EVC2: variants seen among roughly 807,000 people sequenced by gnomAD.
The protein encoded by EVC2 is EvC ciliary complex subunit 2.
A neutral mutation model predicts 149.3 loss-of-function variants in EVC2; 148 were observed. The observed-to-expected ratio is 0.99, with a 90% CI of 0.87 to 1.14. The LOEUF (loss-of-function observed/expected upper bound fraction) is 1.14, where lower values mean the gene tolerates loss of function less well. Among genes scored for constraint, EVC2 ranks in the 50% most tolerant of loss-of-function variants. The pLI is 0.00. For synonymous variants in EVC2, 776 were observed against 649.9 expected (o/e 1.19, Z -2.95); for missense variants, 1,854 against 1,627.3 (o/e 1.14, Z -2.40).
chr4:5,709,516 G>A (rs1722461073), upstream of EVC2: 1 of 152,212 alleles, frequency 6.6e-6, no homozygotes, highest in Admixed American at 6.5e-5. Context: ...ACATGGACAA[G>A]GCCATGGGGT....
rs1338555199 is a variant in EVC2, at chr4:5,576,484, C to T, written c.3058-30G>A. On this transcript the variant is annotated intron_variant, in intron 17 of 21. Transcript: ENST00000344408. The surrounding 1 kb of genome is among the most constrained non-coding windows in gnomAD (Gnocchi z 4.5). ...ACAAGGAAGGGGCAGAGGGTAAGCACCACTGCACAAGGCGGGTGGGGTGGA... is the reference window on the plus strand; with the variant it reads ...ACAAGGAAGGGGCAGAGGGTAAGCATCACTGCACAAGGCGGGTGGGGTGGA... 1 of 1,558,892 alleles carries T rather than the reference C, an allele frequency of 6.4e-7. No homozygotes were observed. Among genetic ancestry groups the T allele is most frequent in the Non-Finnish European group, 8.7e-7 (1 of 1,154,996 alleles).
At chr4:5,562,411 A>C (rs1272709129), downstream of EVC2, 1 of 995,296 alleles carries the variant, frequency 1.0e-6, no homozygotes. The surrounding 1 kb of genome is among the most constrained non-coding windows in gnomAD (Gnocchi z 4.3). Flanking sequence ...TCCTACATAA[A>C]GCAAACATGG....
At chr4:5,639,530 C>T (rs1238639261) in intron 10 of EVC2, among the ~76,000 whole-genome samples, 1 of 152,248 alleles carries the variant, frequency 6.6e-6, no homozygotes, top group East Asian at 1.9e-4. Context: ...CGCCAGGCAG[C>T]TGCTTTTCCT....
downstream of EVC2, among the ~76,000 whole-genome samples, chr4:5,559,659 T>A (rs1213155560): frequency 6.6e-6 from 1 of 152,132 alleles, no homozygotes; most frequent in Non-Finnish European, 1.5e-5. The surrounding 1 kb of genome is among the most constrained non-coding windows in gnomAD (Gnocchi z 5.0). Flanking sequence ...GGGGTTATGT[T>A]AAAGGGATAT....
At position 5,542,833 on chromosome 4, in the gene EVC2, C is replaced by T. The variant is rs549698531; in HGVS notation, c.*162G>A. 2.2e-5 allele frequency: 6 copies of T among 272,812 alleles called. No individual in the cohort carries two copies. In the Admixed American group the frequency reaches 2.4e-4, roughly 11 times the overall value. The allele number at this position is 272,812 out of a possible 1,614,324, so 16.9% of individuals were successfully genotyped here. On this transcript the variant is annotated 3_prime_UTR_variant and NMD_transcript_variant, in exon 23 of 23. Transcript: ENST00000475313. The stretch of plus-strand genomic sequence containing the variant: ...CGTCATGAGGGCCATGACATTGTGT[C>T]AGCGCAGTGTGCCCACAGCTGGGCT...
intron 10 of EVC2, among the ~76,000 whole-genome samples, chr4:5,638,385 T>A (rs1198148847): frequency 7.2e-6 from 1 of 138,404 alleles, no homozygotes; most frequent in African/African-American, 2.8e-5. Flanking sequence ...TGAGACTCTA[T>A]CTCAAAAAAC....
intron 2 of EVC2, among the ~76,000 whole-genome samples, chr4:5,695,372 A>C (rs1415766201): frequency 1.3e-5 from 2 of 151,834 alleles, no homozygotes; most frequent in Admixed American, 6.6e-5. Flanking sequence ...AAAAAAAAAG[A>C]AGAAAGAAAT....
At position 5,618,768 on chromosome 4, in the gene EVC2, A is replaced by C; in HGVS notation, c.2502-86T>G. ...TGAAGAAGCCAGAGATGCAAAGCTCATTCCTCATATCCATGTCTGCAGAAA... is the reference window on the plus strand; with the variant it reads ...TGAAGAAGCCAGAGATGCAAAGCTCCTTCCTCATATCCATGTCTGCAGAAA... On this transcript the variant is annotated intron_variant, in intron 14 of 21. Coordinates refer to ENST00000344408, the MANE Select transcript of EVC2 (RefSeq NM_147127.5). The surrounding 1 kb of genome is among the most constrained non-coding windows in gnomAD (Gnocchi z 4.4). 7.0e-5 allele frequency: 88 copies of C among 1,251,606 alleles called. No individual in the cohort carries two copies. The highest frequency in any genetic ancestry group is 8.9e-5 in the Non-Finnish European group (78 of 875,424). 77.5% of individuals were successfully genotyped at this position (1,251,606 alleles called of 1,614,324 possible).
Position 5,584,804 on chromosome 4 carries a change from T to C in EVC2, c.2876A>G (p.Gln959Arg). Reference sequence around the variant, plus strand: ...AAGCGACTGTGCAAAGCCTCCCTCCTGTGCCTCCATCCGCTGCACTCTCTC... The same window carrying C: ...AAGCGACTGTGCAAAGCCTCCCTCCCGTGCCTCCATCCGCTGCACTCTCTC... ...LRERVQRMEA[Q>R]EGGFAQSLVA... Residue 959 changes from glutamine to arginine, a missense_variant, in exon 17 of 22, where the codon CAG (glutamine) becomes CGG (arginine). Coordinates refer to ENST00000344408, the MANE Select transcript of EVC2 (RefSeq NM_147127.5). 4 of 1,614,172 alleles carry C rather than the reference T, an allele frequency of 2.5e-6. No homozygotes were observed. Among genetic ancestry groups the C allele is most frequent in the Non-Finnish European group, 3.4e-6 (4 of 1,180,036 alleles).
chr4:5,593,153 C>A (rs1352749559), intron 16 of EVC2, among the ~76,000 whole-genome samples: 3 of 152,148 alleles, frequency 2.0e-5, no homozygotes, highest in Non-Finnish European at 1.5e-5. Context: ...ATCAATTAAA[C>A]CTCTTTCCAT....
intron 17 of EVC2, among the ~76,000 whole-genome samples, chr4:5,583,917 G>A (rs999035555): frequency 1.3e-5 from 2 of 151,516 alleles, no homozygotes; most frequent in Non-Finnish European, 2.9e-5. Context: ...GAGTGTAGTG[G>A]CATGATCTCA....
chr4:5,700,299 C>A (rs1721747333), intron 1 of EVC2, among the ~76,000 whole-genome samples: 1 of 152,134 alleles, frequency 6.6e-6, no homozygotes, highest in African/African-American at 2.4e-5. Flanking sequence ...CAAATACATC[C>A]ATGTGGTCTC....
intron 7 of EVC2, among the ~76,000 whole-genome samples, chr4:5,674,596 G>C (rs916900986): frequency 2.6e-5 from 4 of 152,186 alleles, no homozygotes; most frequent in East Asian, 1.9e-4. Context: ...GGGCATCACA[G>C]CGTGCAGATG....
chr4:5,580,956 A>T (rs1192721469), intron 17 of EVC2, among the ~76,000 whole-genome samples: 1 of 152,042 alleles, frequency 6.6e-6, no homozygotes, highest in East Asian at 1.9e-4. Flanking sequence ...GGTTGTTTAA[A>T]ACTGTGTAGC....
chr4:5,678,479 T>C (rs1009648529), intron 7 of EVC2, among the ~76,000 whole-genome samples: 1 of 152,214 alleles, frequency 6.6e-6, no homozygotes, highest in African/African-American at 2.4e-5. Flanking sequence ...ATCTTTTCAT[T>C]GTAGTAAGTC....
Position 5,576,359 on chromosome 4 carries a change from C to T in EVC2, c.3153G>A (p.Val1051=). 2 of 1,614,202 alleles carry T rather than the reference C, an allele frequency of 1.2e-6. No individual in the cohort carries two copies. Among genetic ancestry groups the T allele is most frequent in the South Asian group, 2.2e-5 (2 of 91,082 alleles). Residue 1051 remains valine, a synonymous_variant, in exon 18 of 22, where the codon GTG becomes GTA. Transcript: ENST00000344408. This position sits in a 1 kb window ranked among gnomAD's most constrained non-coding sequence, Gnocchi z 4.5. ...CGTTCAGAATCCCGGGCCCATCGGC[C>T]ACCCACTGCTGCCAGCTCGCCAGGG... ...QQALASWQQW[V]ADGPGILNEP... is the part of the protein sequence containing the mutation.
intron 16 of EVC2, among the ~76,000 whole-genome samples, chr4:5,599,408 C>T (rs1713769136): frequency 6.6e-6 from 1 of 152,134 alleles, no homozygotes. Flanking sequence ...ATGATGAGTT[C>T]ATGTCATTTG....
intron 9 of EVC2, among the ~76,000 whole-genome samples, chr4:5,641,856 G>A (rs1717353176): frequency 6.6e-6 from 1 of 152,128 alleles, no homozygotes; most frequent in African/African-American, 2.4e-5. Context: ...ATGTGCCATG[G>A]TGGTTGCTGC....
In EVC2 at chr4:5,568,527, C is replaced by T. The variant is rs760612657; in HGVS notation, c.3474G>A (p.Leu1158=). ...PTASQPQLLA[L]LDSATERHVD... The stretch of plus-strand genomic sequence containing the variant: ...CATGTCTCTCGGTGGCCGAATCCAG[C>T]AGGGCCAGCAGCTGAGGCTGTGAGG... Residue 1158 remains leucine (L), a synonymous_variant, in exon 20 of 22, where the codon CTG becomes CTA. Transcript: ENST00000344408. 1.3e-6 allele frequency: 2 copies of T among 1,592,002 alleles called. No individual in the cohort carries two copies. Among genetic ancestry groups the T allele is most frequent in the East Asian group, 2.3e-5 (1 of 44,258 alleles).
Sources: gnomAD v4.1 joint callset for allele counts (sites outside exome capture counted in the v4.1 genomes callset) on GRCh38, gnomAD v4.1.1 for gene constraint, Gnocchi (gnomAD v3.1) non-coding constraint, MANE v1.5 for transcripts, NCBI Gene and HGNC (gene_info 2026-07-23, HGNC 2026-07-21) for gene names.